DLGAP1: variants seen among roughly 807,000 people sequenced by gnomAD.
DLGAP1 encodes disks large-associated protein 1.
Under a neutral mutation model 90.8 loss-of-function variants are expected in DLGAP1, and 11 were observed. The ratio of observed to expected loss-of-function variants is 0.12; its 90% CI spans 0.08 to 0.20. The LOEUF (loss-of-function observed/expected upper bound fraction) is 0.20, where lower values mean the gene tolerates loss of function less well. Among genes scored for constraint, DLGAP1 ranks in the 10% least tolerant of loss-of-function variants. The probability of loss-of-function intolerance (pLI) is 1.00; values close to 1 mark genes in which losing one functional copy is unlikely to be tolerated. For synonymous variants in DLGAP1, 558 were observed against 540.7 expected, an observed-to-expected ratio of 1.03 and a Z score of -0.44; for missense variants, 1,050 against 1,333.8, an observed-to-expected ratio of 0.79 and a Z score of 3.31.
At chr18:4,078,698 C>A (rs12967842) in intron 2 of DLGAP1, among the ~76,000 whole-genome samples, 89,082 of 151,966 alleles carry the variant, frequency 0.59, 26,858 homozygotes, top group Non-Finnish European at 0.66. Context: ...TAACTTTACA[C>A]GATCTGGAAA....
chr18:3,661,846 T>A (rs1218396668), intron 7 of DLGAP1, among the ~76,000 whole-genome samples: 1 of 151,896 alleles, frequency 6.6e-6, no homozygotes, highest in Non-Finnish European at 1.5e-5. Flanking sequence ...CCTCCCAAAG[T>A]GCTAGGATTA....
At chr18:4,169,874 G>A (rs921321705) in intron 1 of DLGAP1, among the ~76,000 whole-genome samples, 2 of 152,162 alleles carry the variant, frequency 1.3e-5, no homozygotes, top group Admixed American at 1.3e-4. Flanking sequence ...AGGAATCAGA[G>A]CCTGAGTCAA....
At chr18:4,177,437 C>T (rs1268211812) in intron 1 of DLGAP1, among the ~76,000 whole-genome samples, 2 of 151,514 alleles carry the variant, frequency 1.3e-5, no homozygotes, top group African/African-American at 4.9e-5. Context: ...GGTTTCAACT[C>T]TTTAGTTAGA....
chr18:4,010,859 C>T (rs372421862), intron 2 of DLGAP1, among the ~76,000 whole-genome samples: 3 of 147,184 alleles, frequency 2.0e-5, no homozygotes, highest in South Asian at 2.2e-4. Context: ...GGCTAGTCAT[C>T]GGAAACACAA....
Position 3,742,413 on chromosome 18 carries a change from G to A in DLGAP1, c.1272C>T (p.Asp424=), listed in dbSNP as rs1178268549. Residue 424 remains aspartate (D), a synonymous_variant, in exon 6 of 13, where the codon GAC becomes GAT. Coordinates refer to ENST00000315677, the MANE Select transcript of DLGAP1 (RefSeq NM_004746.4). ...VSINRSLDSL[D]PAGLLTSPKF... Reference sequence around the variant, plus strand: ...TTGGTGATGTGAGCAAGCCTGCAGGGTCCAGGCTGTCCAGGCTCCGGTTGA... The same window carrying A: ...TTGGTGATGTGAGCAAGCCTGCAGGATCCAGGCTGTCCAGGCTCCGGTTGA... 1 of 1,614,064 alleles carries A rather than the reference G, an allele frequency of 6.2e-7. No individual in the cohort carries two copies. Among genetic ancestry groups the A allele is most frequent in the Non-Finnish European group, 8.5e-7 (1 of 1,180,040 alleles).
intron 9 of DLGAP1, among the ~76,000 whole-genome samples, chr18:3,546,514 T>G (rs1367179950): frequency 6.6e-6 from 1 of 151,370 alleles, no homozygotes; most frequent in Admixed American, 6.6e-5. Context: ...CAAGTTTCGA[T>G]AAATTTTCAA....
intron 4 of DLGAP1, among the ~76,000 whole-genome samples, chr18:3,843,454 G>A (rs1000966680): frequency 6.6e-6 from 1 of 152,158 alleles, no homozygotes. Context: ...CAACATTGCG[G>A]TGGTTACAAA....
chr18:4,141,015 T>C, intron 2 of DLGAP1, among the ~76,000 whole-genome samples: 1 of 151,986 alleles, frequency 6.6e-6, no homozygotes, highest in African/African-American at 2.4e-5. Context: ...GAGGTAGTCT[T>C]CTTTGGATTA....
At chr18:3,736,893 A>G (rs1316789498) in intron 6 of DLGAP1, among the ~76,000 whole-genome samples, 1 of 151,406 alleles carries the variant, frequency 6.6e-6, no homozygotes. Flanking sequence ...TAAAGAAAAA[A>G]AGAGAGAAGA....
At chr18:4,441,301 A>G (rs2083530568) in intron 1 of DLGAP1, among the ~76,000 whole-genome samples, 2 of 152,244 alleles carry the variant, frequency 1.3e-5, no homozygotes, top group African/African-American at 4.8e-5. Context: ...CTCCAGGGCA[A>G]GCAGATGGTC....
chr18:3,938,615 G>A (rs947262433), intron 3 of DLGAP1, among the ~76,000 whole-genome samples: 1 of 152,222 alleles, frequency 6.6e-6, no homozygotes, highest in African/African-American at 2.4e-5. Context: ...CCAGGAGAAT[G>A]TCAGATAGAT....
chr18:3,972,913 A>G (rs9959779), intron 3 of DLGAP1, among the ~76,000 whole-genome samples: 59,995 of 152,178 alleles, frequency 0.39, 12,016 homozygotes, highest in Non-Finnish European at 0.42. Flanking sequence ...GAATAAGCCC[A>G]TAGGGCAGAG....
intron 7 of DLGAP1, among the ~76,000 whole-genome samples, chr18:3,719,369 T>C (rs1026434857): frequency 1.3e-5 from 2 of 150,972 alleles, no homozygotes. Flanking sequence ...GATCAAGACC[T>C]GATACAGCAA....
At chr18:3,888,557 A>G (rs1343279345) in intron 3 of DLGAP1, among the ~76,000 whole-genome samples, 2 of 152,012 alleles carry the variant, frequency 1.3e-5, no homozygotes, top group African/African-American at 4.8e-5. Context: ...GTATTGTTAA[A>G]AAAAAAAAAA....
At chr18:3,745,328 A>G (rs1716404903) in intron 5 of DLGAP1, among the ~76,000 whole-genome samples, 1 of 152,236 alleles carries the variant, frequency 6.6e-6, no homozygotes, top group African/African-American at 2.4e-5. Context: ...ACACTTGAAA[A>G]TGGTGAATTA....
intron 1 of DLGAP1, among the ~76,000 whole-genome samples, chr18:4,390,845 G>A (rs1346528488): frequency 1.3e-5 from 2 of 152,104 alleles, no homozygotes; most frequent in Non-Finnish European, 2.9e-5. Flanking sequence ...AAAGCTTTGA[G>A]ATCTTTAACA....
intron 1 of DLGAP1, among the ~76,000 whole-genome samples, chr18:4,240,316 A>G (rs1463474514): frequency 6.6e-6 from 1 of 152,172 alleles, no homozygotes; most frequent in Non-Finnish European, 1.5e-5. Context: ...TAGTAGGTAT[A>G]ATTTATCAGT....
At chr18:3,851,012 A>G (rs548982857) in intron 4 of DLGAP1, among the ~76,000 whole-genome samples, 50 of 152,356 alleles carry the variant, frequency 3.3e-4, no homozygotes, top group African/African-American at 1.1e-3. Flanking sequence ...CAAAATGAAA[A>G]GAAACACCCA....
In DLGAP1 at chr18:3,892,868, C is replaced by T. The variant is rs192566345; in HGVS notation, c.-72-12728G>A. Among the ~76,000 whole-genome samples the T allele has an allele frequency of 3.0e-3, 450 of 148,312 alleles. 4 individuals carry two copies. In the South Asian group the frequency reaches 0.033, roughly 11 times the overall value. On this transcript the variant is annotated intron_variant, in intron 3 of 12. Coordinates refer to ENST00000315677, the MANE Select transcript of DLGAP1 (RefSeq NM_004746.4). ...CAAATCTAACCACTTTCTCCTCTGG[C>T]TTTTTATATATATAAAGAATTATAA... is the stretch of plus-strand genomic sequence containing the variant.
Sources: gnomAD v4.1 joint callset for allele counts (sites outside exome capture counted in the v4.1 genomes callset) on GRCh38, gnomAD v4.1.1 for gene constraint, MANE v1.5 for transcripts, NCBI Gene and HGNC (gene_info 2026-07-23, HGNC 2026-07-21) for gene names.